PTGFRN: variants seen among roughly 807,000 people sequenced by gnomAD.
PTGFRN encodes the protein prostaglandin F2 receptor inhibitor.
PTGFRN carries 35 observed loss-of-function variants against 83.2 expected under a neutral mutation model. That is an observed-to-expected ratio of 0.42 (90% CI 0.32 to 0.56). PTGFRN has a LOEUF of 0.56. Ranked by LOEUF, PTGFRN falls within the 20% of genes least tolerant of loss-of-function variation. The pLI, the probability that PTGFRN is intolerant of heterozygous loss-of-function variation, is 0.11. For synonymous variants in PTGFRN, 519 were observed against 498.6 expected (o/e 1.04, Z -0.55); for missense variants, 1,051 against 1,179.5 (o/e 0.89, Z 1.60).
intron 1 of PTGFRN, among the ~76,000 whole-genome samples, chr1:116,929,906 C>G (rs59839191): frequency 0.017 from 2,622 of 152,292 alleles, 80 homozygotes; most frequent in African/African-American, 0.06. Flanking sequence ...TTTGTTCCTT[C>G]TCTCCTGGCT....
chr1:116,927,116 G>A (rs1284877453), intron 1 of PTGFRN, among the ~76,000 whole-genome samples: 1 of 152,170 alleles, frequency 6.6e-6, no homozygotes, highest in Admixed American at 6.5e-5. Flanking sequence ...GGACAAACGG[G>A]TGTCTACTAG....
chr1:116,920,776 A>C (rs980673909), intron 1 of PTGFRN, among the ~76,000 whole-genome samples: 5 of 152,120 alleles, frequency 3.3e-5, no homozygotes, highest in African/African-American at 9.7e-5. Flanking sequence ...GGGATGTGCC[A>C]CTACACCGGG....
intron 7 of PTGFRN, among the ~76,000 whole-genome samples, chr1:116,981,793 T>A (rs1651327310): frequency 6.6e-6 from 1 of 150,762 alleles, no homozygotes; most frequent in Middle Eastern, 3.2e-3. Flanking sequence ...AGTGAAACTT[T>A]ATTTACAAAA....
intron 6 of PTGFRN, among the ~76,000 whole-genome samples, chr1:116,971,163 T>C (rs1453914259): frequency 6.6e-6 from 1 of 152,216 alleles, no homozygotes; most frequent in Admixed American, 6.5e-5. Flanking sequence ...AAGCTGTACA[T>C]ACAATTTTAG....
In PTGFRN at chr1:116,974,201, T is replaced by C; in HGVS notation, c.2060-15T>C. The C allele has an allele frequency of 6.5e-7, 1 of 1,547,274 alleles. No homozygotes were observed. Among genetic ancestry groups the C allele is most frequent in the Non-Finnish European group, 8.9e-7 (1 of 1,120,232 alleles). Reference sequence around the variant, plus strand: ...ATGAAAGAGAATAATGAGGCTGGCATTACTTTTTTTCCAGGTCCTATATTT... The same window carrying C: ...ATGAAAGAGAATAATGAGGCTGGCACTACTTTTTTTCCAGGTCCTATATTT... On this transcript the variant is annotated splice_polypyrimidine_tract_variant and intron_variant, in intron 6 of 8. Transcript: ENST00000393203.
rs1258157650 is a variant in PTGFRN, at chr1:116,967,140, A to G, written c.1869A>G (p.Ser623=). Residue 623 remains serine, a synonymous_variant, in exon 6 of 9, where the codon TCA becomes TCG. Coordinates refer to ENST00000393203, the MANE Select transcript of PTGFRN (RefSeq NM_020440.4). The stretch of plus-strand genomic sequence containing the variant: ...AGCTGGAGAATTGGACAGATGCATC[A>G]CGGGTGGATGGCGTTGTTTTAGAAA... ...VVKLENWTDA[S]RVDGVVLEKV... 6.2e-7 allele frequency: 1 copy of G among 1,614,206 alleles called. No individual in the cohort carries two copies.
At chr1:116,966,866 A>T (rs1244001818) in intron 5 of PTGFRN, 45 bp from the exon 6 acceptor site, 5 of 1,527,760 alleles carry the variant, frequency 3.3e-6, no homozygotes, top group Non-Finnish European at 4.4e-6. Context: ...TTTTTATTTT[A>T]ACTGATCTTG....
intron 6 of PTGFRN, among the ~76,000 whole-genome samples, chr1:116,973,467 T>C (rs1651060039): frequency 6.6e-6 from 1 of 151,632 alleles, no homozygotes; most frequent in Non-Finnish European, 1.5e-5. Context: ...TTGCGGGGCG[T>C]AGTGGCATGT....
chr1:116,958,937 G>A lies in PTGFRN; in HGVS notation c.1214-2306G>A, dbSNP rs1037920480. 6.6e-6 allele frequency among the ~76,000 whole-genome samples: 1 copy of A among 152,204 alleles called. No individual in the cohort carries two copies. Among genetic ancestry groups the A allele is most frequent in the African/African-American group, 2.4e-5 (1 of 41,454 alleles). Reference sequence around the variant, plus strand: ...GAGGCTCCATGTAAGAGCCACTGCTGGCTGCTGCCTACAGATAGTTGATGC... The same window carrying A: ...GAGGCTCCATGTAAGAGCCACTGCTAGCTGCTGCCTACAGATAGTTGATGC... On this transcript the variant is annotated intron_variant, in intron 4 of 8. Transcript: ENST00000393203. This position sits in a 1 kb window ranked among gnomAD's most constrained non-coding sequence, Gnocchi z 4.9.
rs781449023 is a variant in PTGFRN at position 116,941,990 on chromosome 1, G to A, written c.325G>A (p.Val109Ile). The stretch of plus-strand genomic sequence containing the variant: ...CGCCGTGGAGCTCCACATAAAGAAC[G>A]TCCAGCCTTCAGACCAAGGCCACTA... ...NDAVELHIKN[V>I]QPSDQGHYKC... is the part of the protein sequence containing the mutation. Residue 109 changes from valine to isoleucine, a missense_variant, in exon 2 of 9, where the codon GTC becomes ATC. Physicochemically the swap from Val to Ile is conservative, Grantham distance 29. Coordinates refer to ENST00000393203, the MANE Select transcript of PTGFRN (RefSeq NM_020440.4). The surrounding 1 kb of genome is among the most constrained non-coding windows in gnomAD (Gnocchi z 5.0). The A allele has an allele frequency of 3.7e-6, 6 of 1,614,048 alleles. No homozygotes were observed. The highest frequency in any genetic ancestry group is 1.7e-5 in the Admixed American group (1 of 59,994).
At position 116,945,185 on chromosome 1, in the gene PTGFRN, A is replaced by G. The variant is rs1317894340; in HGVS notation, c.832+93A>G. On this transcript the variant is annotated intron_variant, in intron 3 of 8. Transcript: ENST00000393203. ...GGCCAGGGAGCCCCATGGCCTTCTGACAAGAACTGTTTCTGCTTCCCATGT... is the reference window on the plus strand; with the variant it reads ...GGCCAGGGAGCCCCATGGCCTTCTGGCAAGAACTGTTTCTGCTTCCCATGT... The G allele has an allele frequency of 6.2e-6, 9 of 1,453,708 alleles. No homozygotes were observed. In the East Asian group the frequency reaches 1.9e-4, roughly 30 times the overall value. 90.1% of individuals were successfully genotyped at this position (1,453,708 alleles called of 1,614,324 possible). A position where few individuals can be genotyped will look rare whatever the true frequency, so the allele number is the denominator to read the frequency against.
intron 3 of PTGFRN, 137 bp downstream of exon 3, chr1:116,945,229 G>T (rs1235731747): frequency 2.7e-6 from 3 of 1,121,636 alleles, no homozygotes; most frequent in Admixed American, 2.8e-5. Context: ...ATTTTTAGGG[G>T]TGAAGGGAGT....
chr1:116,938,153 TAG>T (rs1197134832), intron 1 of PTGFRN, among the ~76,000 whole-genome samples: 1 of 152,130 alleles, frequency 6.6e-6, no homozygotes, highest in Non-Finnish European at 1.5e-5. Flanking sequence ...CACTGCTGGG[TAG>T]TGATATATTA....
intron 1 of PTGFRN, among the ~76,000 whole-genome samples, chr1:116,920,948 C>A (rs1649521599): frequency 6.6e-6 from 1 of 152,170 alleles, no homozygotes; most frequent in Non-Finnish European, 1.5e-5. Flanking sequence ...CTGACATCTC[C>A]AACCAATAGA....
rs77794467 is a variant in PTGFRN at position 116,987,600 on chromosome 1, C to A, written c.*633C>A. 6.7e-6 allele frequency: 1 copy of A among 148,708 alleles called. No individual in the cohort carries two copies. Among genetic ancestry groups the A allele is most frequent in the African/African-American group, 2.5e-5 (1 of 39,928 alleles). 9.2% of individuals were successfully genotyped at this position (148,708 alleles called of 1,614,324 possible). A position where few individuals can be genotyped will look rare whatever the true frequency, so the allele number is the denominator to read the frequency against. On this transcript the variant is annotated 3_prime_UTR_variant, in exon 9 of 9. Transcript: ENST00000393203. ...TTTTTTTTTTTTTTTTGCTTCTCTG[C>A]CCCTTTTCCATTTCTTTTGTATTTG...
rs548200421 is a variant in PTGFRN, at chr1:116,978,706, A to G, written c.2167+4383A>G. ...GCTAAAAACTCTCAATAAATTAGGTATTGATGGGACGTATCTCAAAATAAT... is the reference window on the plus strand; with the variant it reads ...GCTAAAAACTCTCAATAAATTAGGTGTTGATGGGACGTATCTCAAAATAAT... On this transcript the variant is annotated intron_variant, in intron 7 of 8. Transcript: ENST00000393203. Among the ~76,000 whole-genome samples, 3 of 152,354 alleles carry G rather than the reference A, an allele frequency of 2.0e-5. No individual in the cohort carries two copies. The East Asian group carries it at 5.8e-4, about 29-fold the overall frequency.
chr1:116,928,895 C>A (rs1649721469), intron 1 of PTGFRN, among the ~76,000 whole-genome samples: 1 of 152,048 alleles, frequency 6.6e-6, no homozygotes, highest in South Asian at 2.1e-4. Context: ...CCCAAGTGAC[C>A]CCAGGCAACC....
intron 7 of PTGFRN, among the ~76,000 whole-genome samples, chr1:116,982,052 G>C (rs756276673): frequency 9.2e-5 from 14 of 152,354 alleles, no homozygotes; most frequent in Middle Eastern, 3.4e-3. Context: ...AGATGGGGAA[G>C]ACTGAGGACA....
intron 4 of PTGFRN, among the ~76,000 whole-genome samples, chr1:116,951,104 A>G (rs1570662211): frequency 6.7e-6 from 1 of 149,494 alleles, no homozygotes; most frequent in Admixed American, 6.7e-5. Context: ...TCTGAATCCC[A>G]ACTCGAGGAC....
Sources: gnomAD v4.1 joint callset for allele counts (sites outside exome capture counted in the v4.1 genomes callset) on GRCh38, gnomAD v4.1.1 for gene constraint, Gnocchi (gnomAD v3.1) non-coding constraint, MANE v1.5 for transcripts, NCBI Gene and HGNC (gene_info 2026-07-23, HGNC 2026-07-21) for gene names.